Variants in MOXD1 observed in about 807,000 individuals in gnomAD.
MOXD1 encodes monooxygenase DBH like 1.
Under a neutral mutation model 66.6 loss-of-function variants are expected in MOXD1, and 62 were observed. That is an observed-to-expected ratio of 0.93 (90% confidence interval 0.76 to 1.15). The LOEUF is 1.15. MOXD1 is among the 50% of genes most tolerant of loss of function. The pLI is 0.00. For synonymous variants in MOXD1, 303 were observed against 281.9 expected, an observed-to-expected ratio of 1.07 and a Z score of -0.75; for missense variants, 847 against 754.6, an observed-to-expected ratio of 1.12 and a Z score of -1.44.
chr6:132,359,488 CTTT>C (rs568516620), intron 4 of MOXD1, among the ~76,000 whole-genome samples: 5 of 129,534 alleles, frequency 3.9e-5, no homozygotes, highest in African/African-American at 3.0e-5. Flanking sequence ...TTTTCTTTTT[CTTT>C]TTTTTTTTTT....
chr6:132,328,737 G>T, intron 4 of MOXD1, 143 bp from the exon 5 acceptor site: 1 of 786,784 alleles, frequency 1.3e-6, no homozygotes, highest in Non-Finnish European at 2.0e-6. Flanking sequence ...TGTAGTTCAA[G>T]TCTAATTTGT....
chr6:132,331,602 A>G (rs149101309), intron 4 of MOXD1, among the ~76,000 whole-genome samples: 4 of 152,154 alleles, frequency 2.6e-5, no homozygotes, highest in South Asian at 2.1e-4. Context: ...TAGACCTACT[A>G]TCTACTAGCC....
intron 4 of MOXD1, among the ~76,000 whole-genome samples, chr6:132,330,217 A>C (rs915600152): frequency 2.0e-5 from 3 of 152,172 alleles, no homozygotes; most frequent in Non-Finnish European, 4.4e-5. Context: ...GCCGCACAGC[A>C]GGAGGTGAGC....
intron 11 of MOXD1, 68 bp downstream of exon 11, chr6:132,297,719 T>C: frequency 2.0e-6 from 3 of 1,491,198 alleles, no homozygotes; most frequent in Non-Finnish European, 2.7e-6. Flanking sequence ...GTCTTCTCCT[T>C]AGGTTTTCCT....
chr6:132,392,066 C>T (rs1213082870), intron 1 of MOXD1: 2 of 993,730 alleles, frequency 2.0e-6, no homozygotes, highest in Non-Finnish European at 1.4e-6. Context: ...GGGTTGCACA[C>T]TCTCTTCATC....
chr6:132,326,678 A>G (rs1377820815), intron 6 of MOXD1, among the ~76,000 whole-genome samples: 1 of 152,168 alleles, frequency 6.6e-6, no homozygotes, highest in African/African-American at 2.4e-5. Flanking sequence ...TGCTTGGTTT[A>G]TGAAAGTTTT....
chr6:132,297,306 C>A lies in MOXD1; in HGVS notation c.1689G>T (p.Met563Ile), dbSNP rs1774425133. 1 of 1,612,542 alleles carries A rather than the reference C, an allele frequency of 6.2e-7. No homozygotes were observed. Among genetic ancestry groups the A allele is most frequent in the South Asian group, 1.1e-5 (1 of 90,898 alleles). Residue 563 changes from methionine to isoleucine, a missense_variant, in exon 12 of 12, where the codon ATG (methionine) becomes ATT (isoleucine). Transcript: ENST00000367963. ...TTTCTATATCTGGAGGTAATGCTGT[C>A]ATTCCTTGAATCTGAAAATGGAAGC... is the stretch of plus-strand genomic sequence containing the variant. ...TDNAEWSIQG[M>I]TALPPDIERP...
chr6:132,323,584 T>C (rs1317156210), intron 7 of MOXD1, among the ~76,000 whole-genome samples: 2 of 151,780 alleles, frequency 1.3e-5, no homozygotes, highest in Admixed American at 1.3e-4. Context: ...AAATAAATGA[T>C]GGAAAAATCA....
At chr6:132,370,423 T>C (rs1776241892) in intron 4 of MOXD1, among the ~76,000 whole-genome samples, 1 of 152,076 alleles carries the variant, frequency 6.6e-6, no homozygotes, top group African/African-American at 2.4e-5. Flanking sequence ...TTTGAATTTA[T>C]TTTTTCAGTA....
intron 1 of MOXD1, among the ~76,000 whole-genome samples, chr6:132,380,898 G>C (rs1377808074): frequency 6.6e-6 from 1 of 151,990 alleles, no homozygotes; most frequent in African/African-American, 2.4e-5. Flanking sequence ...ATGTTGTTGT[G>C]ACCTTTTAGC....
intron 1 of MOXD1, among the ~76,000 whole-genome samples, chr6:132,390,068 A>G (rs1008812961): frequency 6.6e-6 from 1 of 151,508 alleles, no homozygotes; most frequent in Non-Finnish European, 1.5e-5. Context: ...GTATTAAGAA[A>G]GAAACTTCTA....
At chr6:132,348,035 G>A (rs1164466424) in intron 4 of MOXD1, among the ~76,000 whole-genome samples, 1 of 152,084 alleles carries the variant, frequency 6.6e-6, no homozygotes, top group African/African-American at 2.4e-5. Context: ...ATGTCCGTGG[G>A]TGAATCTCCA....
chr6:132,357,167 T>A (rs999249716), intron 4 of MOXD1, among the ~76,000 whole-genome samples: 2 of 152,116 alleles, frequency 1.3e-5, no homozygotes, highest in African/African-American at 4.8e-5. Flanking sequence ...ATGAATTTTA[T>A]CTGATTATTA....
chr6:132,375,344 A>G (rs1776356751), intron 1 of MOXD1, among the ~76,000 whole-genome samples: 1 of 152,242 alleles, frequency 6.6e-6, no homozygotes, highest in African/African-American at 2.4e-5. Flanking sequence ...AAACTAGTTG[A>G]ATTACACGAT....
rs181177369 is a variant in MOXD1, at chr6:132,380,601, A to C, written c.265-5824T>G. Among the ~76,000 whole-genome samples, 18 of 152,358 alleles carry C rather than the reference A, an allele frequency of 1.2e-4. No homozygotes were observed. In the East Asian group the frequency reaches 3.5e-3, roughly 29 times the overall value. On this transcript the variant is annotated intron_variant, in intron 1 of 11. Coordinates refer to ENST00000367963, the MANE Select transcript of MOXD1 (RefSeq NM_015529.4). Reference sequence around the variant, plus strand: ...TATTCCTCTATTTACATTCCCATGTAGCATGCAATCTATTTTAGGCATTGC... The same window carrying C: ...TATTCCTCTATTTACATTCCCATGTCGCATGCAATCTATTTTAGGCATTGC...
chr6:132,333,821 T>A (rs1775378595), intron 4 of MOXD1, among the ~76,000 whole-genome samples: 1 of 152,200 alleles, frequency 6.6e-6, no homozygotes, highest in African/African-American at 2.4e-5. Context: ...AGCCGTGGGT[T>A]ATTTATTAAC....
In MOXD1 at chr6:132,297,037, A is replaced by T. The variant is rs1387725936; in HGVS notation, c.*116T>A. ...GGAAAGGAAAAAGGAGGGAGGGAAA[A>T]TGGGGAAGAAAAGTCTCCACACTCT... On this transcript the variant is annotated 3_prime_UTR_variant, in exon 12 of 12. Transcript: ENST00000367963. The T allele has an allele frequency of 1.2e-5, 12 of 1,028,074 alleles. No homozygotes were observed. The highest frequency in any genetic ancestry group is 1.5e-5 in the Non-Finnish European group (11 of 711,356). The allele number at this position is 1,028,074 out of a possible 1,614,324, so 63.7% of individuals were successfully genotyped here.
intron 4 of MOXD1, among the ~76,000 whole-genome samples, chr6:132,351,570 T>G (rs1467532034): frequency 6.6e-6 from 1 of 152,158 alleles, no homozygotes; most frequent in African/African-American, 2.4e-5. Context: ...TTTTAGCATC[T>G]AAGTTCATTG....
At chr6:132,334,571 C>CT (rs1179375088) in intron 4 of MOXD1, among the ~76,000 whole-genome samples, 3 of 152,230 alleles carry the variant, frequency 2.0e-5, no homozygotes. Flanking sequence ...ATAACTCACA[C>CT]TTTTGCCTCA....
Sources: allele counts gnomAD v4.1 joint callset (sites outside exome capture counted in the v4.1 genomes callset), GRCh38; gene constraint gnomAD v4.1.1; transcripts MANE v1.5; gene names NCBI Gene and HGNC (gene_info 2026-07-23, HGNC 2026-07-21).